The following ART1 variants were observed in gnomAD, a reference collection of about 807,000 sequenced individuals.
The protein encoded by ART1 is GPI-linked NAD(P)(+)--arginine ADP-ribosyltransferase 1.
A neutral mutation model predicts 27.0 loss-of-function variants in ART1; 29 were observed. That is an observed-to-expected ratio of 1.08 (90% CI 0.80 to 1.47). ART1 has a LOEUF of 1.47. Ranked by LOEUF, ART1 falls within the 40% of genes most tolerant of loss-of-function variation. The pLI, the probability that ART1 is intolerant of heterozygous loss-of-function variation, is 0.00. For synonymous variants in ART1, 201 were observed against 172.2 expected, an observed-to-expected ratio of 1.17 and a Z score of -1.31; for missense variants, 480 against 423.0, an observed-to-expected ratio of 1.13 and a Z score of -1.18.
At chr11:3,653,535 C>T (rs144706825) in intron 1 of ART1, among the ~76,000 whole-genome samples, 1 of 151,922 alleles carries the variant, frequency 6.6e-6, no homozygotes, top group Non-Finnish European at 1.5e-5. Flanking sequence ...TCTCCCTTCG[C>T]TGACTCTCTT....
chr11:3,662,223 TG>T (rs1398935482), intron 4 of ART1, among the ~76,000 whole-genome samples: 1 of 152,244 alleles, frequency 6.6e-6, no homozygotes, highest in Non-Finnish European at 1.5e-5. Flanking sequence ...ATTCTTTCTC[TG>T]TGCCTCAGTT....
intron 1 of ART1, among the ~76,000 whole-genome samples, chr11:3,655,297 A>G (rs1160970290): frequency 6.7e-6 from 1 of 149,292 alleles, no homozygotes; most frequent in African/African-American, 2.4e-5. Context: ...AAGTGATCCC[A>G]AGAAATACAA....
At chr11:3,659,545 G>A (rs1312994474) in intron 2 of ART1, 38 bp from the exon 3 acceptor site, 1 of 1,549,740 alleles carries the variant, frequency 6.5e-7, no homozygotes, top group East Asian at 2.2e-5. Flanking sequence ...TCTCCCAGGG[G>A]CCTATCCTCT....
chr11:3,657,810 A>T (rs987271424), intron 1 of ART1, among the ~76,000 whole-genome samples: 1 of 152,152 alleles, frequency 6.6e-6, no homozygotes, highest in Non-Finnish European at 1.5e-5. Context: ...TATATACCTA[A>T]ATATTCACTG....
At chr11:3,660,440 A>G in intron 3 of ART1, 77 bp downstream of exon 3, 1 of 1,487,396 alleles carries the variant, frequency 6.7e-7, no homozygotes, top group Non-Finnish European at 9.0e-7. Context: ...GGCAAACCGA[A>G]GCCCCTATCT....
At chr11:3,661,487 G>GATA in intron 4 of ART1, 74 bp downstream of exon 4, 1 of 497,570 alleles carries the variant, frequency 2.0e-6, no homozygotes, top group Non-Finnish European at 3.2e-6. Flanking sequence ...CCATCACCTC[G>GATA]ATCTTTTTTT....
intron 1 of ART1, among the ~76,000 whole-genome samples, chr11:3,646,216 T>C (rs1183281001): frequency 6.6e-6 from 1 of 152,108 alleles, no homozygotes; most frequent in African/African-American, 2.4e-5. Flanking sequence ...TTTAGAAACA[T>C]TGCTCTCCCT....
chr11:3,659,552 C>T, intron 2 of ART1, 31 bp from the exon 3 acceptor site: 2 of 1,554,404 alleles, frequency 1.3e-6, no homozygotes, highest in Non-Finnish European at 1.7e-6. Flanking sequence ...GGGGCCTATC[C>T]TCTCAGTCCC....
chr11:3,648,698 C>A (rs1323661292), intron 1 of ART1, among the ~76,000 whole-genome samples: 1 of 152,210 alleles, frequency 6.6e-6, no homozygotes, highest in Non-Finnish European at 1.5e-5. Flanking sequence ...TCTGATTATT[C>A]ACCCACGTTT....
rs575025042 is a variant in ART1 at position 3,653,307 on chromosome 11, T to G, written c.-52-5855T>G. 1.4e-3 allele frequency among the ~76,000 whole-genome samples: 203 copies of G among 148,814 alleles called. 19 individuals carry two copies. The highest frequency in any genetic ancestry group is 5.0e-3 in the African/African-American group (195 of 38,618). ...CACATCCAGATGGCCGGTTCCTGCC[T>G]TAACTGATGACATTCCACCACAAAA... is the stretch of plus-strand genomic sequence containing the variant. On this transcript the variant is annotated intron_variant, in intron 1 of 4. Transcript: ENST00000250693.
In ART1 at chr11:3,660,253, C is replaced by T. The variant is rs150574054; in HGVS notation, c.734C>T (p.Pro245Leu). The T allele has an allele frequency of 5.8e-4, 934 of 1,613,428 alleles. No homozygotes were observed. The highest frequency in any genetic ancestry group is 7.1e-4 in the Non-Finnish European group (838 of 1,180,038). The change falls in exon 3 of 5, where the codon CCC becomes CTC. Residue 245 changes from proline (P) to leucine (L), a missense_variant. Coordinates refer to ENST00000250693, the MANE Select transcript of ART1 (RefSeq NM_004314.3). ...FPGEEEVLIP[P>L]FETFQVINAS... ...GGAGAGGAAGAGGTGCTGATCCCCC[C>T]CTTTGAGACCTTCCAAGTGATCAAT... is the stretch of plus-strand genomic sequence containing the variant.
Position 3,653,624 on chromosome 11 carries a change from C to A in ART1, c.-52-5538C>A, listed in dbSNP as rs368822308. Reference sequence around the variant, plus strand: ...AAGCCTGTTTGGTGGTCTCTTCACACGGACGCGCATGAAAAGAGGAGCTTC... The same window carrying A: ...AAGCCTGTTTGGTGGTCTCTTCACAAGGACGCGCATGAAAAGAGGAGCTTC... On this transcript the variant is annotated intron_variant, in intron 1 of 4. Coordinates refer to ENST00000250693, the MANE Select transcript of ART1 (RefSeq NM_004314.3). 5.9e-5 allele frequency among the ~76,000 whole-genome samples: 9 copies of A among 152,296 alleles called. 1 individual carries two copies. The South Asian group carries it at 1.2e-3, about 21-fold the overall frequency.
At chr11:3,659,531 T>G in intron 2 of ART1, 52 bp from the exon 3 acceptor site, 1 of 1,525,498 alleles carries the variant, frequency 6.6e-7, no homozygotes, top group Non-Finnish European at 8.8e-7. Context: ...GGCAGGGGAC[T>G]CATTCTCCCA....
At chr11:3,661,206 C>T (rs112024954) in intron 3 of ART1, among the ~76,000 whole-genome samples, 166 bp from the exon 4 acceptor site, 1 of 152,046 alleles carries the variant, frequency 6.6e-6, no homozygotes, top group Non-Finnish European at 1.5e-5. Flanking sequence ...GCTCATGGGT[C>T]GAGGCAAACC....
Position 3,660,166 on chromosome 11 carries a change from A to G in ART1, c.647A>G (p.Asp216Gly). 6.2e-7 allele frequency: 1 copy of G among 1,613,950 alleles called. No individual in the cohort carries two copies. The highest frequency in any genetic ancestry group is 1.1e-5 in the South Asian group (1 of 91,082). ...KHVAAQQFGE[D>G]TFFGIWTCLG... ...GTTGCAGCCCAGCAGTTTGGTGAGG[A>G]CACCTTCTTCGGCATCTGGACCTGC... The change falls in exon 3 of 5, where the codon GAC becomes GGC. Residue 216 changes from aspartate to glycine, a missense_variant. Transcript: ENST00000250693.
intron 1 of ART1, among the ~76,000 whole-genome samples, chr11:3,652,312 C>T (rs61878539): frequency 2.0e-5 from 3 of 150,642 alleles, no homozygotes; most frequent in Admixed American, 2.0e-4. Flanking sequence ...CTCAGTTTAG[C>T]CTTCCCACCT....
chr11:3,647,567 G>A lies in ART1; in HGVS notation c.-53+2388G>A, dbSNP rs112179706. ...GAGAATCACTTGAACCCGGGAGGTA[G>A]AGGTTGAAGTGAGCCGAGATTGCAC... On this transcript the variant is annotated intron_variant, in intron 1 of 4. Coordinates refer to ENST00000250693, the MANE Select transcript of ART1 (RefSeq NM_004314.3). Among the ~76,000 whole-genome samples the A allele has an allele frequency of 1.0e-2, 1,518 of 152,134 alleles. 13 individuals carry two copies. The highest frequency in any genetic ancestry group is 0.048 in the Middle Eastern group (14 of 294).
At chr11:3,648,592 G>A (rs1481457997) in intron 1 of ART1, among the ~76,000 whole-genome samples, 1 of 152,112 alleles carries the variant, frequency 6.6e-6, no homozygotes, top group African/African-American at 2.4e-5. Flanking sequence ...TAGAGACAAA[G>A]GAGACACGTT....
chr11:3,649,741 G>C (rs2077503109), intron 1 of ART1, among the ~76,000 whole-genome samples: 1 of 152,198 alleles, frequency 6.6e-6, no homozygotes, highest in South Asian at 2.1e-4. Context: ...TCTTAAAAAG[G>C]TGGCTGAAGC....
Sources: allele counts gnomAD v4.1 joint callset (sites outside exome capture counted in the v4.1 genomes callset), GRCh38; gene constraint gnomAD v4.1.1; transcripts MANE v1.5; gene names NCBI Gene and HGNC (gene_info 2026-07-23, HGNC 2026-07-21).